Variants in GPS1 observed in about 807,000 individuals in gnomAD.
GPS1 encodes G protein pathway suppressor 1.
In GPS1, 11 loss-of-function variants were observed where a neutral mutation model predicts 60.0. The observed-to-expected ratio is 0.18, with a 90% CI of 0.12 to 0.30. GPS1 has a LOEUF of 0.30. Among genes scored for constraint, GPS1 ranks in the 10% least tolerant of loss-of-function variants. The probability of loss-of-function intolerance (pLI) is 1.00; values close to 1 mark genes in which losing one functional copy is unlikely to be tolerated. For synonymous variants in GPS1, 343 were observed against 269.8 expected (o/e 1.27, Z -2.66); for missense variants, 543 against 669.2 (o/e 0.81, Z 2.08).
Position 82,056,542 on chromosome 17 carries a change from C to G in GPS1, c.1108C>G (p.Leu370Val). ...GTACACCCAGATTCGCAACCGTGCC[C>G]TCATCCAGGTAAGCGTGGGGGTCAG... is the stretch of plus-strand genomic sequence containing the variant. ...TLYTQIRNRALIQYFSPYVSA... is the reference protein window; with the variant it reads ...TLYTQIRNRAVIQYFSPYVSA... Residue 370 changes from leucine to valine, a missense_variant, in exon 10 of 13, where the codon CTC becomes GTC. This residue lies in a region of GPS1 where 291 missense variants were observed against 353.7 expected (regional missense o/e 0.82). Transcript: ENST00000578552. 2.5e-6 allele frequency: 4 copies of G among 1,613,066 alleles called. No homozygotes were observed. Among genetic ancestry groups the G allele is most frequent in the Non-Finnish European group, 2.5e-6 (3 of 1,180,010 alleles).
At chr17:82,056,158 G>GGAGA in intron 8 of GPS1, 63 bp downstream of exon 8, 1 of 1,446,102 alleles carries the variant, frequency 6.9e-7, no homozygotes, top group Non-Finnish European at 9.7e-7. Flanking sequence ...CTGCTGCTTC[G>GGAGA]GCCTTGCATG....
chr17:82,054,165 G>T (rs553069837), intron 3 of GPS1, 116 bp downstream of exon 3: 2 of 1,216,570 alleles, frequency 1.6e-6, no homozygotes, highest in East Asian at 5.1e-5. Flanking sequence ...GAAGTCGGGC[G>T]GGTAGAGCTC....
chr17:82,052,383 C>G (rs752920597), intron 1 of GPS1: 1 of 1,612,308 alleles, frequency 6.2e-7, no homozygotes, highest in Non-Finnish European at 8.5e-7. Context: ...AGCAGTAGGT[C>G]AGACCTCGTC....
Position 82,053,322 on chromosome 17 carries a change from C to T in GPS1, c.82C>T (p.Gln28Ter). 1 of 1,545,322 alleles carries T rather than the reference C, an allele frequency of 6.5e-7. No homozygotes were observed. The highest frequency in any genetic ancestry group is 1.2e-5 in the South Asian group (1 of 81,030). ...QIDVDPQEDP[Q>*]NAPDVNYVVE... Reference sequence around the variant, plus strand: ...CGACGTGGACCCCCAGGAAGACCCGCAGAATGCACCTGACGTCAACTACGT... The same window carrying T: ...CGACGTGGACCCCCAGGAAGACCCGTAGAATGCACCTGACGTCAACTACGT... Residue 28 changes from glutamine to a stop codon, truncating the protein, a stop_gained, in exon 2 of 13, where the codon CAG becomes TAG. Coordinates refer to ENST00000578552, the MANE Select transcript of GPS1 (RefSeq NM_001321092.3). LOFTEE classifies it high-confidence loss of function.
chr17:82,055,357 G>A lies in GPS1; in HGVS notation c.748+135G>A, dbSNP rs956993118. On this transcript the variant is annotated intron_variant, in intron 6 of 12. Coordinates refer to ENST00000578552, the MANE Select transcript of GPS1 (RefSeq NM_001321092.3). ...AGGGCGCAGGATGTTGTGGGCACAT[G>A]TACAGGTGTAGGTGGTGCCTAAAGT... 15 of 940,712 alleles carry A rather than the reference G, an allele frequency of 1.6e-5. No individual in the cohort carries two copies. The African/African-American group carries it at 2.0e-4, about 12-fold the overall frequency. The allele number at this position is 940,712 out of a possible 1,614,324, so 58.3% of individuals were successfully genotyped here.
intron 3 of GPS1, 119 bp from the exon 4 acceptor site, chr17:82,054,391 G>A (rs866665020): frequency 7.5e-5 from 98 of 1,306,404 alleles, no homozygotes; most frequent in Middle Eastern, 2.7e-4. Flanking sequence ...TGAGGCCAGC[G>A]GGAGGTGCCC....
rs780939708 is a variant in GPS1, at chr17:82,051,997, C to T, written c.33+33C>T. ...GCCGAGGCCGCCCCGGGCCTCCGCG[C>T]CCCCGCGCCCCCCGCCACTGGGGCC... On this transcript the variant is annotated intron_variant, in intron 1 of 12. Coordinates refer to ENST00000578552, the MANE Select transcript of GPS1 (RefSeq NM_001321092.3). The surrounding 1 kb of genome is among the most constrained non-coding windows in gnomAD (Gnocchi z 4.1). The T allele has an allele frequency of 2.6e-6, 3 of 1,143,480 alleles. No individual in the cohort carries two copies. Among genetic ancestry groups the T allele is most frequent in the African/African-American group, 3.3e-5 (2 of 60,820 alleles). The allele number at this position is 1,143,480 out of a possible 1,614,324, so 70.8% of individuals were successfully genotyped here. A position where few individuals can be genotyped will look rare whatever the true frequency, so the allele number is the denominator to read the frequency against.
chr17:82,051,000 G>A, upstream of GPS1: 1 of 1,416,212 alleles, frequency 7.1e-7, no homozygotes, highest in South Asian at 1.6e-5. Context: ...GACGGAGGCA[G>A]CTCGCCCTGA....
chr17:82,051,273 CG>C, upstream of GPS1: 1 of 1,350,202 alleles, frequency 7.4e-7, no homozygotes, highest in Non-Finnish European at 9.5e-7. The surrounding 1 kb of genome is among the most constrained non-coding windows in gnomAD (Gnocchi z 4.1). Context: ...CCGCGGGCGC[CG>C]GGGAGTGGGG....
intron 2 of GPS1, 175 bp from the exon 3 acceptor site, chr17:82,053,693 G>A (rs893027022): frequency 1.4e-5 from 9 of 657,472 alleles, no homozygotes; most frequent in Admixed American, 6.3e-5. Context: ...CCACCCCAGC[G>A]GTCTTCGTAG....
intron 5 of GPS1, 25 bp downstream of exon 5, chr17:82,055,000 T>C (rs765790653): frequency 1.2e-6 from 2 of 1,612,802 alleles, no homozygotes; most frequent in South Asian, 2.2e-5. Context: ...CTCAGAGACC[T>C]TGCCCCCAGG....
chr17:82,051,675 C>A, upstream of GPS1: 1 of 998,046 alleles, frequency 1.0e-6, no homozygotes, highest in Non-Finnish European at 1.2e-6. This position sits in a 1 kb window ranked among gnomAD's most constrained non-coding sequence, Gnocchi z 4.1. Context: ...GGCGGGCGCG[C>A]GGGGCAGCGG....
upstream of GPS1, chr17:82,051,824 G>A (rs2030683971): frequency 5.3e-6 from 6 of 1,136,350 alleles, no homozygotes; most frequent in East Asian, 1.7e-4. This position sits in a 1 kb window ranked among gnomAD's most constrained non-coding sequence, Gnocchi z 4.1. Context: ...CCGTGGGTGG[G>A]CGGCGGCCCC....
intron 1 of GPS1, 164 bp from the exon 2 acceptor site, chr17:82,053,109 CG>C (rs1459221278): frequency 5.0e-6 from 2 of 401,378 alleles, no homozygotes; most frequent in East Asian, 7.8e-5. Flanking sequence ...TGGGTGGGGG[CG>C]GGGGTGACTG....
rs1020392929 is a variant in GPS1 at position 82,051,977 on chromosome 17, G to A, written c.33+13G>A. The A allele has an allele frequency of 3.5e-6, 4 of 1,156,808 alleles. No homozygotes were observed. The highest frequency in any genetic ancestry group is 3.3e-5 in the African/African-American group (2 of 61,168). The allele number at this position is 1,156,808 out of a possible 1,614,324, so 71.7% of individuals were successfully genotyped here. ...GTTTAACTTGCAGGTAACGAGCCGA[G>A]GCCGCCCCGGGCCTCCGCGCCCCCG... On this transcript the variant is annotated intron_variant, in intron 1 of 12. Transcript: ENST00000578552. This position sits in a 1 kb window ranked among gnomAD's most constrained non-coding sequence, Gnocchi z 4.1.
At chr17:82,051,014 G>T, upstream of GPS1, 1 of 1,403,482 alleles carries the variant, frequency 7.1e-7, no homozygotes, top group Admixed American at 3.2e-5. This position sits in a 1 kb window ranked among gnomAD's most constrained non-coding sequence, Gnocchi z 4.1. Context: ...GCCCTGACCT[G>T]GCCTGGAAGG....
Position 82,056,501 on chromosome 17 carries a change from C to T in GPS1, c.1067C>T (p.Pro356Leu). 1 of 1,613,206 alleles carries T rather than the reference C, an allele frequency of 6.2e-7. No individual in the cohort carries two copies. Among genetic ancestry groups the T allele is most frequent in the Non-Finnish European group, 8.5e-7 (1 of 1,180,014 alleles). The change falls in exon 10 of 13, where the codon CCC becomes CTC. Residue 356 changes from proline to leucine, a missense_variant. By Grantham distance (98) the Pro-to-Leu change is moderately conservative. Coordinates refer to ENST00000578552, the MANE Select transcript of GPS1 (RefSeq NM_001321092.3). Reference sequence around the variant, plus strand: ...CTGCTCCTGGACATGTATCTGGCCCCCCATGTCAGGACCCTGTACACCCAG... The same window carrying T: ...CTGCTCCTGGACATGTATCTGGCCCTCCATGTCAGGACCCTGTACACCCAG... Reference protein sequence around the residue: ...DNLLLDMYLAPHVRTLYTQIR... With the variant: ...DNLLLDMYLALHVRTLYTQIR...
upstream of GPS1, chr17:82,051,152 A>AGGCCT: frequency 1.5e-6 from 2 of 1,307,594 alleles, no homozygotes; most frequent in Non-Finnish European, 1.9e-6. The surrounding 1 kb of genome is among the most constrained non-coding windows in gnomAD (Gnocchi z 4.1). Flanking sequence ...AGGCCGCGTG[A>AGGCCT]CCTGGGCAGC....
At chr17:82,057,022 G>A in intron 12 of GPS1, 31 bp from the exon 13 acceptor site, 2 of 1,610,402 alleles carry the variant, frequency 1.2e-6, no homozygotes, top group Non-Finnish European at 1.7e-6. Flanking sequence ...GGGGCCTGGT[G>A]GCTGTGAGCT....
Sources: allele counts gnomAD v4.1 joint callset, GRCh38; gene constraint gnomAD v4.1.1; regional missense constraint gnomAD v4.1.1; non-coding constraint Gnocchi (gnomAD v3.1); transcripts MANE v1.5; gene names NCBI Gene and HGNC (gene_info 2026-07-23, HGNC 2026-07-21).